SFXN1: variants seen among roughly 807,000 people sequenced by gnomAD.
SFXN1 encodes sideroflexin 1.
Under a neutral mutation model 39.5 loss-of-function variants are expected in SFXN1, and 32 were observed. The observed-to-expected ratio is 0.81, with a 90% CI of 0.61 to 1.09. The LOEUF (loss-of-function observed/expected upper bound fraction) is 1.09, where lower values mean the gene tolerates loss of function less well. Ranked by LOEUF, SFXN1 falls within the 50% of genes least tolerant of loss-of-function variation. The pLI is 0.00. For missense variants in SFXN1, 402 were observed against 407.1 expected, an observed-to-expected ratio of 0.99 and a Z score of 0.11; for synonymous variants, 136 against 146.5, an observed-to-expected ratio of 0.93 and a Z score of 0.52.
intron 2 of SFXN1, among the ~76,000 whole-genome samples, chr5:175,500,994 T>C (rs1760054572): frequency 6.6e-6 from 1 of 151,838 alleles, no homozygotes; most frequent in South Asian, 2.1e-4. Flanking sequence ...GACCTAAATA[T>C]ACTAGCTAAC....
chr5:175,504,201 T>TGAA (rs1467422546), intron 2 of SFXN1, among the ~76,000 whole-genome samples: 2 of 151,866 alleles, frequency 1.3e-5, no homozygotes, highest in African/African-American at 2.4e-5. Context: ...AGTCCAGGAG[T>TGAA]GAAAATAAAG....
Position 175,518,767 on chromosome 5 carries a change from A to G in SFXN1, c.774+2104A>G, listed in dbSNP as rs939337297. ...TATAAAAATTAGCTCTCAGTGATTC[A>G]TAGAATCTAATGTAAAAGTCTACAA... On this transcript the variant is annotated intron_variant, in intron 8 of 10. Transcript: ENST00000321442. Among the ~76,000 whole-genome samples, 7 of 152,344 alleles carry G rather than the reference A, an allele frequency of 4.6e-5. No homozygotes were observed. The East Asian group carries it at 7.7e-4, about 17-fold the overall frequency.
At chr5:175,512,084 A>C in intron 5 of SFXN1, 27 bp from the exon 6 acceptor site, 1 of 1,597,922 alleles carries the variant, frequency 6.3e-7, no homozygotes, top group Non-Finnish European at 8.6e-7. Context: ...AAATAAGATA[A>C]AGCTCTTGAA....
intron 2 of SFXN1, among the ~76,000 whole-genome samples, chr5:175,502,209 G>T (rs556516709): frequency 6.6e-6 from 1 of 152,172 alleles, no homozygotes; most frequent in Non-Finnish European, 1.5e-5. Flanking sequence ...TTAGCCCCAG[G>T]AGCAATTTGG....
At chr5:175,510,332 C>A in intron 4 of SFXN1, 125 bp downstream of exon 4, 1 of 725,546 alleles carries the variant, frequency 1.4e-6, no homozygotes. Flanking sequence ...TATTATGTAG[C>A]ATCCTTTTTT....
chr5:175,490,926 A>G (rs1759631302), intron 1 of SFXN1, among the ~76,000 whole-genome samples: 1 of 152,204 alleles, frequency 6.6e-6, no homozygotes, highest in Non-Finnish European at 1.5e-5. Flanking sequence ...ATGTATAGAA[A>G]ATGTCTATAA....
chr5:175,492,368 T>G (rs1181523621), intron 2 of SFXN1, 101 bp downstream of exon 2: 3 of 1,098,530 alleles, frequency 2.7e-6, no homozygotes, highest in Non-Finnish European at 2.5e-6. Context: ...CTTTTTTTTT[T>G]GCAATGGAAT....
chr5:175,508,917 A>C (rs1462592401), intron 2 of SFXN1, 115 bp from the exon 3 acceptor site: 5 of 967,030 alleles, frequency 5.2e-6, no homozygotes, highest in African/African-American at 1.7e-5. Flanking sequence ...TTACAGACGT[A>C]AGCCACCACA....
intron 2 of SFXN1, among the ~76,000 whole-genome samples, chr5:175,505,425 T>TA (rs1760251436): frequency 6.6e-6 from 1 of 151,192 alleles, no homozygotes; most frequent in Non-Finnish European, 1.5e-5. Flanking sequence ...TAATCCCAGT[T>TA]ACCCAGGAGG....
intron 2 of SFXN1, among the ~76,000 whole-genome samples, chr5:175,496,682 A>G (rs1401489203): frequency 6.6e-6 from 1 of 152,230 alleles, no homozygotes; most frequent in Non-Finnish European, 1.5e-5. Flanking sequence ...CAGTGATGAT[A>G]TGACATCCCA....
At chr5:175,516,486 A>C in intron 7 of SFXN1, 128 bp from the exon 8 acceptor site, 1 of 723,494 alleles carries the variant, frequency 1.4e-6, no homozygotes, top group Non-Finnish European at 2.3e-6. Context: ...ATTGCTACAA[A>C]CTGTTTTTAC....
Position 175,488,318 on chromosome 5 carries a change from T to G in SFXN1, c.-9-3777T>G, listed in dbSNP as rs563914635. On this transcript the variant is annotated intron_variant, in intron 1 of 10. Transcript: ENST00000321442. ...CCAGATGCATTTCTTTTTTTTTTTT[T>G]TGAGACGGAGTTTCGCTCTTGTTGC... is the stretch of plus-strand genomic sequence containing the variant. 1.9e-4 allele frequency among the ~76,000 whole-genome samples: 29 copies of G among 152,118 alleles called. 1 individual carries two copies. The East Asian group carries it at 1.9e-3, about 10-fold the overall frequency.
intron 1 of SFXN1, among the ~76,000 whole-genome samples, chr5:175,490,282 G>T (rs979475508): frequency 6.6e-6 from 1 of 152,200 alleles, no homozygotes; most frequent in African/African-American, 2.4e-5. Context: ...CCGTATAGCT[G>T]CATTCTGACC....
At chr5:175,512,998 G>C (rs934993556) in intron 6 of SFXN1, among the ~76,000 whole-genome samples, 3 of 152,070 alleles carry the variant, frequency 2.0e-5, no homozygotes, top group Non-Finnish European at 4.4e-5. Context: ...CTTATCCATG[G>C]TATTTAAAAA....
intron 4 of SFXN1, 70 bp downstream of exon 4, chr5:175,510,277 C>T (rs1760468138): frequency 1.6e-6 from 2 of 1,285,206 alleles, no homozygotes; most frequent in African/African-American, 3.0e-5. Flanking sequence ...TGATACTCTC[C>T]TGTTTAAAAA....
At chr5:175,495,220 T>G (rs1759813205) in intron 2 of SFXN1, among the ~76,000 whole-genome samples, 1 of 152,032 alleles carries the variant, frequency 6.6e-6, no homozygotes, top group Non-Finnish European at 1.5e-5. Context: ...AAATATTGTG[T>G]GATTTCATTT....
At chr5:175,479,895 A>C (rs913344918) in intron 1 of SFXN1, among the ~76,000 whole-genome samples, 2 of 151,922 alleles carry the variant, frequency 1.3e-5, no homozygotes, top group Non-Finnish European at 2.9e-5. Context: ...TCCCCCTTTT[A>C]CTGATCTGCT....
In SFXN1 at chr5:175,509,180, G is replaced by A; in HGVS notation, c.313G>A (p.Gly105Ser). 6.2e-7 allele frequency: 1 copy of A among 1,612,840 alleles called. No individual in the cohort carries two copies. Among genetic ancestry groups the A allele is most frequent in the Non-Finnish European group, 8.5e-7 (1 of 1,179,548 alleles). Reference protein sequence around the residue: ...AQVPMNMTITGCMMTFYRTTP... With the variant: ...AQVPMNMTITSCMMTFYRTTP... ...GGTTCCCATGAACATGACCATCACA[G>A]GTTGTATGATGACGTTTTACAGGTA... The change falls in exon 3 of 11, where the codon GGT becomes AGT. Residue 105 changes from glycine (G) to serine (S), a missense_variant. Physicochemically the swap from Gly to Ser is moderately conservative, Grantham distance 56 (BLOSUM62 0). Transcript: ENST00000321442.
rs1760598652 is a variant in SFXN1 at position 175,513,448 on chromosome 5, T to C, written c.597-15T>C. 1.2e-6 allele frequency: 2 copies of C among 1,613,152 alleles called. No individual in the cohort carries two copies. On this transcript the variant is annotated splice_polypyrimidine_tract_variant and intron_variant, in intron 6 of 10. Coordinates refer to ENST00000321442, the MANE Select transcript of SFXN1 (RefSeq NM_022754.7). ...AGGCATTGGTGGAGCTCTCTGTATG[T>C]GTTTTGCTCTGCAGGGAACTCAAAG...
Sources: allele counts gnomAD v4.1 joint callset (sites outside exome capture counted in the v4.1 genomes callset), GRCh38; gene constraint gnomAD v4.1.1; transcripts MANE v1.5; gene names NCBI Gene and HGNC (gene_info 2026-07-23, HGNC 2026-07-21).